The following NBR1 variants were observed in gnomAD, a reference collection of about 807,000 sequenced individuals.
NBR1 encodes next to BRCA1 gene 1 protein.
Under a neutral mutation model 115.5 loss-of-function variants are expected in NBR1, and 59 were observed. The ratio of observed to expected loss-of-function variants is 0.51; its 90% CI spans 0.41 to 0.63. NBR1 has a LOEUF of 0.63. Ranked by LOEUF, NBR1 falls within the 30% of genes least tolerant of loss-of-function variation. The probability of loss-of-function intolerance (pLI) is 0.00; values close to 1 mark genes in which losing one functional copy is unlikely to be tolerated. For missense variants in NBR1, 1,043 were observed against 1,150.5 expected, an observed-to-expected ratio of 0.91 and a Z score of 1.35; for synonymous variants, 373 against 414.7, an observed-to-expected ratio of 0.90 and a Z score of 1.22.
intron 4 of NBR1, among the ~76,000 whole-genome samples, chr17:43,180,241 TAG>T (rs1368034436): frequency 6.6e-6 from 1 of 152,216 alleles, no homozygotes; most frequent in African/African-American, 2.4e-5. Context: ...ATGGACATCA[TAG>T]AGTGTACTTA....
chr17:43,192,841 T>G (rs1216624648), intron 10 of NBR1, among the ~76,000 whole-genome samples: 1 of 152,206 alleles, frequency 6.6e-6, no homozygotes, highest in Non-Finnish European at 1.5e-5. Flanking sequence ...TATAGGCCCT[T>G]TTAATTACTC....
chr17:43,198,667 A>C (rs1054947808), intron 16 of NBR1, among the ~76,000 whole-genome samples: 14 of 148,920 alleles, frequency 9.4e-5, no homozygotes, highest in African/African-American at 3.5e-4. Flanking sequence ...AAAAAATAAT[A>C]AAGTGTACAT....
At chr17:43,172,477 A>G (rs1215505443) in intron 1 of NBR1, among the ~76,000 whole-genome samples, 1 of 152,184 alleles carries the variant, frequency 6.6e-6, no homozygotes, top group Non-Finnish European at 1.5e-5. Flanking sequence ...TTGGAAAGTG[A>G]TATTTCAGAA....
chr17:43,177,842 T>C (rs1046988654), intron 2 of NBR1, 94 bp from the exon 3 acceptor site: 1 of 1,107,740 alleles, frequency 9.0e-7, no homozygotes, highest in Admixed American at 3.5e-5. Context: ...GTTATTAAGG[T>C]TGTTTGTTGT....
chr17:43,179,313 C>A, intron 3 of NBR1, 81 bp from the exon 4 acceptor site: 2 of 1,314,386 alleles, frequency 1.5e-6, no homozygotes, highest in Non-Finnish European at 2.2e-6. Context: ...TTTTGTCTGT[C>A]CTATGGGGCT....
At chr17:43,183,888 A>G (rs1224275939) in intron 5 of NBR1, among the ~76,000 whole-genome samples, 2 of 151,220 alleles carry the variant, frequency 1.3e-5, no homozygotes, top group African/African-American at 2.4e-5. Flanking sequence ...TTAATCTCCT[A>G]GCCTCAAGTG....
intron 14 of NBR1, chr17:43,196,228 A>C: frequency 3.0e-6 from 1 of 329,916 alleles, no homozygotes; most frequent in Non-Finnish European, 5.4e-6. Context: ...TTGTTCCTTT[A>C]TGTTCATGGT....
chr17:43,172,297 T>C (rs989566231), intron 1 of NBR1, among the ~76,000 whole-genome samples: 2 of 152,240 alleles, frequency 1.3e-5, no homozygotes, highest in African/African-American at 2.4e-5. Context: ...GAGTTCCTTA[T>C]GAAGACCTGG....
At chr17:43,180,150 G>C (rs2056626963) in intron 4 of NBR1, among the ~76,000 whole-genome samples, 1 of 152,140 alleles carries the variant, frequency 6.6e-6, no homozygotes, top group African/African-American at 2.4e-5. Context: ...ATGATGTTAT[G>C]AAATACATAT....
chr17:43,186,094 A>T (rs965598590), intron 5 of NBR1, among the ~76,000 whole-genome samples, 156 bp from the exon 6 acceptor site: 1 of 152,262 alleles, frequency 6.6e-6, no homozygotes, highest in Admixed American at 6.5e-5. Flanking sequence ...AGTTGAGTGT[A>T]AACATTACAT....
At chr17:43,196,230 G>T in intron 14 of NBR1, 1 of 351,810 alleles carries the variant, frequency 2.8e-6, no homozygotes, top group Non-Finnish European at 5.1e-6. Context: ...GTTCCTTTAT[G>T]TTCATGGTTT....
chr17:43,190,033 T>C, intron 8 of NBR1: 1 of 552,910 alleles, frequency 1.8e-6, no homozygotes, highest in Non-Finnish European at 3.2e-6. Context: ...GGCAAAATTA[T>C]GTTCCCCTGA....
chr17:43,174,202 G>C (rs1424410381), intron 1 of NBR1, among the ~76,000 whole-genome samples: 1 of 152,002 alleles, frequency 6.6e-6, no homozygotes, highest in African/African-American at 2.4e-5. Context: ...CAGCAAATTG[G>C]TCCTGAGTTG....
chr17:43,179,685 T>C (rs754536111), intron 4 of NBR1, among the ~76,000 whole-genome samples: 2 of 150,836 alleles, frequency 1.3e-5, no homozygotes, highest in Non-Finnish European at 2.9e-5. Context: ...TCAACACATA[T>C]AAGTATTCCC....
intron 20 of NBR1, chr17:43,209,633 C>G: frequency 6.5e-7 from 1 of 1,535,550 alleles, no homozygotes; most frequent in Non-Finnish European, 8.7e-7. Context: ...GAAGCATTCT[C>G]CTGGTTCTAA....
intron 1 of NBR1, 112 bp from the exon 2 acceptor site, chr17:43,175,679 C>T: frequency 3.5e-6 from 2 of 575,126 alleles, no homozygotes; most frequent in South Asian, 4.9e-5. Context: ...GTCTCCCAAG[C>T]CCAGCCCATA....
At chr17:43,174,702 G>A (rs1307190828) in intron 1 of NBR1, among the ~76,000 whole-genome samples, 6 of 151,992 alleles carry the variant, frequency 3.9e-5, no homozygotes, top group East Asian at 1.9e-4. Context: ...TGGGAGATGC[G>A]GGGGTATATG....
rs376985490 is a variant in NBR1, at chr17:43,190,665, A to G, written c.752A>G (p.Asp251Gly). The G allele has an allele frequency of 6.8e-6, 11 of 1,612,588 alleles. No homozygotes were observed. The highest frequency in any genetic ancestry group is 9.3e-6 in the Non-Finnish European group (11 of 1,179,326). ...EDCEAGPYGHDTNHVLLKLRR... is the reference protein window; with the variant it reads ...EDCEAGPYGHGTNHVLLKLRR... ...TGTGAAGCAGGGCCATATGGCCATG[A>G]CACTAACCACGTCCTGCTGAAGTTG... The change falls in exon 9 of 21, where the codon GAC becomes GGC. Residue 251 changes from aspartate (D) to glycine (G), a missense_variant. Asp to Gly is a moderately conservative substitution (Grantham distance 94). Transcript: ENST00000590996.
chr17:43,186,734 T>C lies in NBR1; in HGVS notation c.402+290T>C, dbSNP rs145010480. Among the ~76,000 whole-genome samples the C allele has an allele frequency of 8.0e-3, 1,223 of 152,194 alleles. 16 individuals carry two copies. The highest frequency in any genetic ancestry group is 0.028 in the African/African-American group (1,155 of 41,510). On this transcript the variant is annotated intron_variant, in intron 6 of 20. Coordinates refer to ENST00000590996, the MANE Select transcript of NBR1 (RefSeq NM_005899.5). ...CCTCCCTGTGTCCATGTGTTCTCAT[T>C]GTTCAACTCCCACATATCAGTGAGA...
Sources: allele counts gnomAD v4.1 joint callset (sites outside exome capture counted in the v4.1 genomes callset), GRCh38; gene constraint gnomAD v4.1.1; transcripts MANE v1.5; gene names NCBI Gene and HGNC (gene_info 2026-07-23, HGNC 2026-07-21).